The following CNTN5 variants were observed in gnomAD, a reference collection of about 807,000 sequenced individuals.
The protein encoded by CNTN5 is contactin 5.
CNTN5 carries 77 observed loss-of-function variants against 129.1 expected under a neutral mutation model. That is an observed-to-expected ratio of 0.60 (90% CI 0.50 to 0.72). The LOEUF (loss-of-function observed/expected upper bound fraction) is 0.72. CNTN5 is among the 30% of genes least tolerant of loss of function. CNTN5 has a pLI of 0.00. For synonymous variants in CNTN5, 509 were observed against 465.6 expected (o/e 1.09, Z -1.20); for missense variants, 1,478 against 1,328.8 (o/e 1.11, Z -1.75).
intron 3 of CNTN5, among the ~76,000 whole-genome samples, chr11:99,557,302 T>A (rs1442089759): frequency 1.3e-5 from 2 of 151,262 alleles, no homozygotes; most frequent in Non-Finnish European, 3.0e-5. Flanking sequence ...AAGATATGTA[T>A]TTATGATCAT....
intron 2 of CNTN5, among the ~76,000 whole-genome samples, chr11:99,403,446 G>A (rs1032357783): frequency 6.6e-6 from 1 of 151,940 alleles, no homozygotes; most frequent in Non-Finnish European, 1.5e-5. Flanking sequence ...GATGCATTGG[G>A]AGATTGTTAT....
intron 3 of CNTN5, among the ~76,000 whole-genome samples, chr11:99,795,239 G>C (rs554946753): frequency 7.9e-5 from 12 of 152,154 alleles, no homozygotes; most frequent in Non-Finnish European, 1.5e-4. Context: ...ATTGTATTAT[G>C]ATATATTTGA....
At chr11:100,031,371 A>G (rs533648333) in intron 9 of CNTN5, among the ~76,000 whole-genome samples, 2 of 152,186 alleles carry the variant, frequency 1.3e-5, no homozygotes, top group African/African-American at 4.8e-5. Flanking sequence ...ACGTGCAGTC[A>G]GGGAGGTTTC....
chr11:100,248,441 G>T (rs1240516959), intron 16 of CNTN5, among the ~76,000 whole-genome samples: 1 of 152,036 alleles, frequency 6.6e-6, no homozygotes, highest in East Asian at 1.9e-4. Flanking sequence ...AGCTACTCAG[G>T]TGGCTGAGGC....
chr11:100,005,964 A>G (rs1415463801), intron 9 of CNTN5, among the ~76,000 whole-genome samples: 1 of 152,152 alleles, frequency 6.6e-6, no homozygotes, highest in African/African-American at 2.4e-5. Flanking sequence ...TCCTAGATAT[A>G]CAGTCATTCC....
chr11:99,770,908 T>G (rs1324813306), intron 3 of CNTN5, among the ~76,000 whole-genome samples: 1 of 152,080 alleles, frequency 6.6e-6, no homozygotes, highest in Non-Finnish European at 1.5e-5. Flanking sequence ...TTTGAAGGTG[T>G]ATCACAAAGC....
chr11:99,638,580 A>T (rs1330566944), intron 3 of CNTN5, among the ~76,000 whole-genome samples: 1 of 152,188 alleles, frequency 6.6e-6, no homozygotes, highest in Non-Finnish European at 1.5e-5. Context: ...TCCTAGATAC[A>T]ATGGTGGTAC....
intron 3 of CNTN5, among the ~76,000 whole-genome samples, chr11:99,792,443 G>C (rs1277920501): frequency 6.6e-6 from 1 of 151,768 alleles, no homozygotes; most frequent in Non-Finnish European, 1.5e-5. Flanking sequence ...TGGTGGGCTA[G>C]GTTTTTGATG....
At chr11:99,901,144 G>A (rs1305489934) in intron 6 of CNTN5, among the ~76,000 whole-genome samples, 1 of 152,180 alleles carries the variant, frequency 6.6e-6, no homozygotes, top group Non-Finnish European at 1.5e-5. Context: ...TGTATAGTGT[G>A]TGGCAGGTAG....
chr11:99,268,916 A>G (rs902830980), intron 1 of CNTN5, among the ~76,000 whole-genome samples: 2 of 152,026 alleles, frequency 1.3e-5, no homozygotes, highest in African/African-American at 4.8e-5. Flanking sequence ...GTAATCTCCA[A>G]TGACCCTAAA....
chr11:100,002,036 G>T lies in CNTN5; in HGVS notation c.880G>T (p.Val294Leu). 6.3e-7 allele frequency: 1 copy of T among 1,581,514 alleles called. No homozygotes were observed. The highest frequency in any genetic ancestry group is 8.6e-7 in the Non-Finnish European group (1 of 1,164,360). Residue 294 changes from valine to leucine, a missense_variant and splice_region_variant, in exon 9 of 25, where the codon GTG becomes TTG. Coordinates refer to ENST00000524871, the MANE Select transcript of CNTN5 (RefSeq NM_014361.4). The stretch of plus-strand genomic sequence containing the variant: ...AAAGACTATTCTTTCTTTCTAAGGT[G>T]TGATGGGAGAATATGAGCCGAAAAT... ...PTPLTLRNDG[V>L]MGEYEPKIEV...
chr11:99,053,738 T>C (rs2135184324), intron 1 of CNTN5, among the ~76,000 whole-genome samples: 1 of 152,050 alleles, frequency 6.6e-6, no homozygotes, highest in Admixed American at 6.6e-5. Flanking sequence ...GATGATATAA[T>C]GAGGGCAGAA....
chr11:100,253,408 A>G (rs1400462176), intron 16 of CNTN5, among the ~76,000 whole-genome samples: 1 of 152,150 alleles, frequency 6.6e-6, no homozygotes, highest in Admixed American at 6.6e-5. Flanking sequence ...ATAATTTATT[A>G]TTATTTATTA....
intron 6 of CNTN5, among the ~76,000 whole-genome samples, chr11:99,869,615 A>T (rs762932712): frequency 3.9e-5 from 6 of 152,168 alleles, no homozygotes; most frequent in Non-Finnish European, 7.4e-5. Flanking sequence ...TAGCAGAAAC[A>T]TACTCATTTC....
chr11:99,562,239 T>G (rs1341015715), intron 3 of CNTN5, among the ~76,000 whole-genome samples: 1 of 152,192 alleles, frequency 6.6e-6, no homozygotes. Context: ...AACTGAGCCT[T>G]CCTTGCACTT....
intron 2 of CNTN5, among the ~76,000 whole-genome samples, chr11:99,336,844 A>G (rs1866247722): frequency 6.6e-6 from 1 of 152,154 alleles, no homozygotes; most frequent in Non-Finnish European, 1.5e-5. Context: ...AAAGAAAAAA[A>G]AAGAATAAGA....
At chr11:99,933,894 G>A (rs7111875) in intron 7 of CNTN5, among the ~76,000 whole-genome samples, 139,693 of 152,292 alleles carry the variant, frequency 0.92, 64,122 homozygotes, top group East Asian at 1. Flanking sequence ...CAAGTGAAGA[G>A]GTATATGTCT....
chr11:99,036,578 A>G (rs1473750883), intron 1 of CNTN5, among the ~76,000 whole-genome samples: 4 of 152,140 alleles, frequency 2.6e-5, no homozygotes, highest in Non-Finnish European at 4.4e-5. Context: ...TGAATTTTAT[A>G]TGAGTGGATC....
At position 99,956,755 on chromosome 11, in the gene CNTN5, G is replaced by T. The variant is rs557580919; in HGVS notation, c.674-51G>T. Reference sequence around the variant, plus strand: ...AGGCTTTGTTGTTTGAGCTTTGTCTGTTAATGAAAAAATCAAAGTCTTTCG... The same window carrying T: ...AGGCTTTGTTGTTTGAGCTTTGTCTTTTAATGAAAAAATCAAAGTCTTTCG... On this transcript the variant is annotated intron_variant, in intron 7 of 24. Transcript: ENST00000524871. 4 of 1,381,862 alleles carry T rather than the reference G, an allele frequency of 2.9e-6. 1 individual carries two copies. In the South Asian group the frequency reaches 4.7e-5, roughly 16 times the overall value. The allele number at this position is 1,381,862 out of a possible 1,614,324, so 85.6% of individuals were successfully genotyped here.
Sources: gnomAD v4.1 joint callset for allele counts (sites outside exome capture counted in the v4.1 genomes callset) on GRCh38, gnomAD v4.1.1 for gene constraint, MANE v1.5 for transcripts, NCBI Gene and HGNC (gene_info 2026-07-23, HGNC 2026-07-21) for gene names.